FAM149A: variants seen among roughly 807,000 people sequenced by gnomAD.
FAM149A encodes the protein family with sequence similarity 149 member A.
Under a neutral mutation model 78.2 loss-of-function variants are expected in FAM149A, and 71 were observed. The observed-to-expected ratio is 0.91, with a 90% CI of 0.75 to 1.11. The LOEUF is 1.11. Ranked by LOEUF, FAM149A falls within the 50% of genes least tolerant of loss-of-function variation. The probability of loss-of-function intolerance (pLI) is 0.00; values close to 1 mark genes in which losing one functional copy is unlikely to be tolerated. For synonymous variants in FAM149A, 446 were observed against 410.5 expected, an observed-to-expected ratio of 1.09 and a Z score of -1.04; for missense variants, 1,036 against 971.0, an observed-to-expected ratio of 1.07 and a Z score of -0.89.
At chr4:186,168,051 G>A (rs1735208984) in intron 13 of FAM149A, among the ~76,000 whole-genome samples, 1 of 152,172 alleles carries the variant, frequency 6.6e-6, no homozygotes, top group Admixed American at 6.5e-5. Flanking sequence ...ATAATTTATT[G>A]TTTTACAGGG....
At chr4:186,154,967 CTTT>C (rs35513834) in intron 6 of FAM149A, 8,391 of 843,638 alleles carry the variant, frequency 9.9e-3, no homozygotes, top group Non-Finnish European at 0.011. Context: ...GTATTTTGTT[CTTT>C]TTTTTTTTTT....
intron 1 of FAM149A, among the ~76,000 whole-genome samples, chr4:186,139,865 G>C (rs1402856053): frequency 6.6e-6 from 1 of 152,146 alleles, no homozygotes; most frequent in Non-Finnish European, 1.5e-5. Flanking sequence ...CAGTTTATAT[G>C]ATACCCATGT....
At chr4:186,106,541 A>G (rs1473644941) in intron 1 of FAM149A, among the ~76,000 whole-genome samples, 1 of 152,194 alleles carries the variant, frequency 6.6e-6, no homozygotes, top group Non-Finnish European at 1.5e-5. Flanking sequence ...TAGTGAGGCC[A>G]TTCCCTACTC....
intron 13 of FAM149A, chr4:186,171,316 A>G (rs1230913823): frequency 6.6e-6 from 1 of 152,236 alleles, no homozygotes; most frequent in East Asian, 1.9e-4. Flanking sequence ...ACTCTGAGAC[A>G]GCTACTATTG....
chr4:186,129,108 T>C (rs1480114972), intron 1 of FAM149A, among the ~76,000 whole-genome samples: 1 of 150,882 alleles, frequency 6.6e-6, no homozygotes, highest in African/African-American at 2.4e-5. Flanking sequence ...TGTCTCTCTG[T>C]GTCTGTGTAT....
At chr4:186,136,944 CTCTCTCTCTCTCTCTCTCTT>C (rs1469526309) in intron 1 of FAM149A, among the ~76,000 whole-genome samples, 16 of 114,932 alleles carry the variant, frequency 1.4e-4, no homozygotes, top group African/African-American at 4.6e-4. Context: ...TGATCTCTCT[CTCTCTCTCTCTCTCTCTCTT>C]TCTCTCTCTC....
At chr4:186,140,284 A>C (rs1262069397) in intron 1 of FAM149A, among the ~76,000 whole-genome samples, 1 of 152,088 alleles carries the variant, frequency 6.6e-6, no homozygotes, top group Admixed American at 6.5e-5. Flanking sequence ...TGATCACATA[A>C]TCACATATAC....
Position 186,157,746 on chromosome 4 carries a change from C to T in FAM149A, c.1575+27C>T, listed in dbSNP as rs778569825. ...TCGGTGCTTTCACACCCTTCTCCCT[C>T]TTGCCTTCACTCTGTGTGTCTGTCA... On this transcript the variant is annotated intron_variant, in intron 8 of 13. Coordinates refer to ENST00000389354, the MANE Select transcript of FAM149A (RefSeq NM_001367768.3). The T allele has an allele frequency of 1.1e-4, 168 of 1,588,138 alleles. No homozygotes were observed. The Middle Eastern group carries it at 1.9e-3, about 18-fold the overall frequency.
chr4:186,167,429 C>A, intron 13 of FAM149A, 167 bp downstream of exon 13: 1 of 700,378 alleles, frequency 1.4e-6, no homozygotes, highest in Non-Finnish European at 2.6e-6. Context: ...TCACAGAGCA[C>A]ACCTGCAGAG....
At chr4:186,120,773 G>A (rs1477972378) in intron 1 of FAM149A, among the ~76,000 whole-genome samples, 2 of 111,874 alleles carry the variant, frequency 1.8e-5, no homozygotes, top group Admixed American at 2.3e-4. Flanking sequence ...CAGCCTGGGC[G>A]ACAGAGCAAG....
At chr4:186,108,909 G>A (rs1286728360) in intron 1 of FAM149A, among the ~76,000 whole-genome samples, 6 of 150,072 alleles carry the variant, frequency 4.0e-5, no homozygotes, top group East Asian at 3.9e-4. Context: ...GTGCAGTGGC[G>A]CGATCTCGGC....
In FAM149A at chr4:186,144,940, GGCGCGGGCGCGGGC is replaced by G; in HGVS notation, c.567-4229_567-4216del. The G allele has an allele frequency of 4.0e-6, 1 of 252,224 alleles. No homozygotes were observed. 15.6% of individuals were successfully genotyped at this position (252,224 alleles called of 1,614,324 possible). On this transcript the variant is annotated intron_variant, in intron 1 of 13. Coordinates refer to ENST00000389354, the MANE Select transcript of FAM149A (RefSeq NM_001367768.3). This position sits in a 1 kb window ranked among gnomAD's most constrained non-coding sequence, Gnocchi z 4.2. Reference sequence around the variant, plus strand: ...CAGCCGCGCGGCGGGCGCGGGCGCGGGCGCGGGCGCGGGCGCGGGCGGGTGGGGAGCCCCAGCCC... The same window carrying G: ...CAGCCGCGCGGCGGGCGCGGGCGCGGGCGGGCGGGTGGGGAGCCCCAGCCC...
intron 8 of FAM149A, 46 bp from the exon 9 acceptor site, chr4:186,162,799 C>T (rs757619718): frequency 9.9e-7 from 1 of 1,013,962 alleles, no homozygotes; most frequent in Admixed American, 2.1e-5. Context: ...CGGCACTGGG[C>T]ATTTGTAATT....
intron 1 of FAM149A, among the ~76,000 whole-genome samples, chr4:186,119,029 A>G (rs1392047729): frequency 6.6e-6 from 1 of 152,234 alleles, no homozygotes; most frequent in Non-Finnish European, 1.5e-5. Context: ...AATATCAGTT[A>G]ACATTTACAA....
At chr4:186,150,538 G>A (rs1376153357) in intron 3 of FAM149A, among the ~76,000 whole-genome samples, 6 of 130,142 alleles carry the variant, frequency 4.6e-5, no homozygotes, top group Admixed American at 8.3e-5. Context: ...TCCTGCCTCA[G>A]CCTCCCGAGT....
chr4:186,169,972 T>C, intron 13 of FAM149A: 1 of 979,988 alleles, frequency 1.0e-6, no homozygotes, highest in Non-Finnish European at 1.2e-6. Flanking sequence ...TCAAAATATT[T>C]CCCCTCCTTA....
intron 8 of FAM149A, chr4:186,160,786 A>T (rs1734545782): frequency 1.1e-6 from 1 of 888,364 alleles, no homozygotes; most frequent in African/African-American, 2.0e-5. Context: ...CACACCACAC[A>T]CACACACACA....
intron 1 of FAM149A, among the ~76,000 whole-genome samples, chr4:186,129,177 GTGTC>G (rs1426348957): frequency 8.6e-5 from 13 of 151,916 alleles, no homozygotes; most frequent in African/African-American, 2.7e-4. Context: ...ATGTGTCTCT[GTGTC>G]TGTGTATGAG....
In FAM149A at chr4:186,144,729, CGGG is replaced by C; in HGVS notation, c.567-4442_567-4440del. 6.9e-6 allele frequency: 5 copies of C among 725,240 alleles called. No homozygotes were observed. Among genetic ancestry groups the C allele is most frequent in the Non-Finnish European group, 7.8e-6 (5 of 639,972 alleles). The allele number at this position is 725,240 out of a possible 1,614,324, so 44.9% of individuals were successfully genotyped here. A position where few individuals can be genotyped will look rare whatever the true frequency, so the allele number is the denominator to read the frequency against. ...GCTTTCCCGGAGGTCGGCGCGGGGC[CGGG>C]GCCGGGGCCGGGGCCCGGAGCGGGG... On this transcript the variant is annotated intron_variant, in intron 1 of 13. Transcript: ENST00000389354. The surrounding 1 kb of genome is among the most constrained non-coding windows in gnomAD (Gnocchi z 4.2).
Sources: allele counts gnomAD v4.1 joint callset (sites outside exome capture counted in the v4.1 genomes callset), GRCh38; gene constraint gnomAD v4.1.1; non-coding constraint Gnocchi (gnomAD v3.1); transcripts MANE v1.5; gene names NCBI Gene and HGNC (gene_info 2026-07-23, HGNC 2026-07-21).